Variants in MYH14 observed in about 807,000 individuals in gnomAD.
The protein encoded by MYH14 is myosin-14.
Under a neutral mutation model 255.5 loss-of-function variants are expected in MYH14, and 123 were observed. The ratio of observed to expected loss-of-function variants is 0.48; its 90% CI spans 0.42 to 0.56. The LOEUF (loss-of-function observed/expected upper bound fraction) is 0.56, where lower values mean the gene tolerates loss of function less well. MYH14 is among the 20% of genes least tolerant of loss of function. MYH14 has a pLI of 0.00. For synonymous variants in MYH14, 1,095 were observed against 1,161.2 expected (o/e 0.94, Z 1.16); for missense variants, 2,423 against 2,802.3 (o/e 0.86, Z 3.06).
intron 20 of MYH14, 80 bp downstream of exon 20, chr19:50,260,795 G>GCACA: frequency 1.2e-5 from 12 of 1,041,896 alleles, no homozygotes; most frequent in African/African-American, 1.6e-5. Flanking sequence ...GTGTGTGCAT[G>GCACA]CATATGTGTG....
At position 50,210,577 on chromosome 19, in the gene MYH14, G is replaced by T; in HGVS notation, c.212G>T (p.Arg71Leu). The T allele has an allele frequency of 6.3e-7, 1 of 1,577,692 alleles. No individual in the cohort carries two copies. Among genetic ancestry groups the T allele is most frequent in the Non-Finnish European group, 8.6e-7 (1 of 1,162,806 alleles). Residue 71 changes from arginine to leucine, a missense_variant, in exon 2 of 43, where the codon CGG becomes CTG. By Grantham distance (102) the Arg-to-Leu change is moderately radical (BLOSUM62 -2). Around this residue, in one of 3 missense-constraint regions of MYH14, gnomAD observed 238 missense variants for 245.8 expected, o/e 0.97. Coordinates refer to ENST00000642316, the MANE Select transcript of MYH14 (RefSeq NM_001145809.2). The part of the protein sequence containing the change: ...ELHGFEAAAL[R>L]DEGEEEAEVE... Reference sequence around the variant, plus strand: ...CACGGGTTCGAGGCGGCGGCGCTGCGGGACGAAGGCGAGGAGGAGGCGGAG... The same window carrying T: ...CACGGGTTCGAGGCGGCGGCGCTGCTGGACGAAGGCGAGGAGGAGGCGGAG...
At chr19:50,246,384 G>A (rs112106001) in intron 11 of MYH14, among the ~76,000 whole-genome samples, 7,306 of 152,088 alleles carry the variant, frequency 0.048, 292 homozygotes, top group Admixed American at 0.11. Context: ...CAGGTGATCC[G>A]CCCACCTTGG....
intron 10 of MYH14, among the ~76,000 whole-genome samples, chr19:50,232,593 CAAAA>C (rs532232129): frequency 1.6e-5 from 1 of 63,694 alleles, no homozygotes; most frequent in Non-Finnish European, 2.7e-5. Context: ...GACTCTGTCT[CAAAA>C]AAAAAAAAAA....
At chr19:50,223,131 TC>T in intron 4 of MYH14, 21 bp downstream of exon 4, 1 of 1,613,610 alleles carries the variant, frequency 6.2e-7, no homozygotes, top group South Asian at 1.1e-5. Flanking sequence ...TGGAAGGACT[TC>T]CTGGAGGAGG....
At chr19:50,259,768 C>T (rs1416299681) in intron 19 of MYH14, among the ~76,000 whole-genome samples, 1 of 152,090 alleles carries the variant, frequency 6.6e-6, no homozygotes, top group African/African-American at 2.4e-5. Context: ...ATCCCAGCTA[C>T]TCGGGAGGCT....
rs201101562 is a variant in MYH14, at chr19:50,292,377, G to A, written c.5244G>A (p.Leu1748=). The change falls in exon 37 of 43, where the codon CTG becomes CTA. Residue 1748 remains leucine, a synonymous_variant. Transcript: ENST00000642316. ...TCAAGGGCCTGGAGGCTGAGGTGCT[G>A]CGGCTGCAGGAGGTGAGGCTGGGGT... is the stretch of plus-strand genomic sequence containing the variant. ...KRLKGLEAEV[L]RLQEELAASD... 14 of 1,584,818 alleles carry A rather than the reference G, an allele frequency of 8.8e-6. No individual in the cohort carries two copies. The Admixed American group carries it at 2.2e-4, about 25-fold the overall frequency.
chr19:50,210,681 A>C lies in MYH14; in HGVS notation c.316A>C (p.Lys106Gln). Residue 106 changes from lysine to glutamine, a missense_variant, in exon 2 of 43, where the codon AAG (lysine) becomes CAG (glutamine). Around this residue, in one of 3 missense-constraint regions of MYH14, gnomAD observed 238 missense variants for 245.8 expected, o/e 0.97. Transcript: ENST00000642316. ...GCGCATGAACCCGCCCAAGTTCAGCAAGGCCGAGGACATGGCCGAGCTGAC... is the reference window on the plus strand; with the variant it reads ...GCGCATGAACCCGCCCAAGTTCAGCCAGGCCGAGGACATGGCCGAGCTGAC... ...IQRMNPPKFS[K>Q]AEDMAELTCL... 6.4e-7 allele frequency: 1 copy of C among 1,570,396 alleles called. No individual in the cohort carries two copies. Among genetic ancestry groups the C allele is most frequent in the South Asian group, 1.2e-5 (1 of 85,526 alleles).
In MYH14 at chr19:50,301,867, C is replaced by T. The variant is rs1225321687; in HGVS notation, c.5676C>T (p.Thr1892=). 1.2e-6 allele frequency: 2 copies of T among 1,609,988 alleles called. No homozygotes were observed. The highest frequency in any genetic ancestry group is 1.7e-5 in the Admixed American group (1 of 59,174). Residue 1892 remains threonine (T), a splice_region_variant and synonymous_variant, in exon 40 of 43, where the codon ACC becomes ACT. Coordinates refer to ENST00000642316, the MANE Select transcript of MYH14 (RefSeq NM_001145809.2). ...CTGAGGAGCAGCTAGAGCAAGAGAC[C>T]AGGTAGGTGAGAGCGGAGGCCACAG... ...AQAEEQLEQE[T]RERILSGKLV... is the part of the protein sequence containing the mutation.
rs1249048707 is a variant in MYH14, at chr19:50,289,628, C to T, written c.4945C>T (p.Arg1649Trp). 7.5e-6 allele frequency: 12 copies of T among 1,609,912 alleles called. No individual in the cohort carries two copies. The highest frequency in any genetic ancestry group is 6.6e-5 in the South Asian group (6 of 90,386). The change falls in exon 35 of 43, where the codon CGG (arginine) becomes TGG (tryptophan). Residue 1649 changes from arginine to tryptophan, a missense_variant. This residue lies in a region of MYH14 where 1,513 missense variants were observed against 1,674.8 expected (regional missense o/e 0.90). Coordinates refer to ENST00000642316, the MANE Select transcript of MYH14 (RefSeq NM_001145809.2). ...QGRDEAGEER[R>W]RQLAKQLRDA... is the part of the protein sequence containing the mutation. ...CCGTGATGAGGCTGGTGAAGAGAGG[C>T]GGAGGCAGCTGGCCAAGCAGGTATT... is the stretch of plus-strand genomic sequence containing the variant.
chr19:50,288,161 G>A (rs1002141239), intron 34 of MYH14, among the ~76,000 whole-genome samples: 1 of 152,180 alleles, frequency 6.6e-6, no homozygotes, highest in African/African-American at 2.4e-5. Context: ...ATCACACCCA[G>A]GGACACAGGC....
At chr19:50,238,454 A>T (rs879583503) in intron 10 of MYH14, among the ~76,000 whole-genome samples, 3 of 151,450 alleles carry the variant, frequency 2.0e-5, no homozygotes, top group Non-Finnish European at 2.9e-5. Context: ...TTTATTTTTT[A>T]TTTTTTTTGA....
rs1311445555 is a variant in MYH14, at chr19:50,278,299, G to T, written c.4032+10G>T. 1.3e-6 allele frequency: 2 copies of T among 1,530,354 alleles called. No homozygotes were observed. Among genetic ancestry groups the T allele is most frequent in the Non-Finnish European group, 1.8e-6 (2 of 1,134,542 alleles). The allele number at this position is 1,530,354 out of a possible 1,614,324, so 94.8% of individuals were successfully genotyped here. A position where few individuals can be genotyped will look rare whatever the true frequency, so the allele number is the denominator to read the frequency against. On this transcript the variant is annotated intron_variant, in intron 30 of 42. Transcript: ENST00000642316. ...GCTGCAGCGAGCCCAGGTAAGTGGG[G>T]TGGGCAGGGCAGAGGTTTCTGCTGT...
rs1223412090 is a variant in MYH14, at chr19:50,276,057, G to A, written c.3534G>A (p.Leu1178=). 1 of 1,612,232 alleles carries A rather than the reference G, an allele frequency of 6.2e-7. No homozygotes were observed. Among genetic ancestry groups the A allele is most frequent in the African/African-American group, 1.3e-5 (1 of 75,042 alleles). ...LKSLREAQAA[L]AEAQEDLESE... ...CCCTGCGGGAGGCTCAAGCAGCCCT[G>A]GCCGAGGCCCAGGAGGACCTGGAGT... is the stretch of plus-strand genomic sequence containing the variant. The change falls in exon 28 of 43, where the codon CTG becomes CTA. Residue 1178 remains leucine, a synonymous_variant. Coordinates refer to ENST00000642316, the MANE Select transcript of MYH14 (RefSeq NM_001145809.2). This position sits in a 1 kb window ranked among gnomAD's most constrained non-coding sequence, Gnocchi z 4.3.
chr19:50,276,622 C>A lies in MYH14; in HGVS notation c.3681-135C>A. The stretch of plus-strand genomic sequence containing the variant: ...ACACTCCTTCCACAGCATCACCACC[C>A]AGATCTCCTGAGGAGCATAACATGA... On this transcript the variant is annotated intron_variant, in intron 28 of 42. Coordinates refer to ENST00000642316, the MANE Select transcript of MYH14 (RefSeq NM_001145809.2). This position sits in a 1 kb window ranked among gnomAD's most constrained non-coding sequence, Gnocchi z 4.3. The A allele has an allele frequency of 8.8e-7, 1 of 1,133,224 alleles. No homozygotes were observed. Among genetic ancestry groups the A allele is most frequent in the Non-Finnish European group, 1.3e-6 (1 of 776,624 alleles). The allele number at this position is 1,133,224 out of a possible 1,614,324, so 70.2% of individuals were successfully genotyped here.
In MYH14 at chr19:50,221,392, G is replaced by C. The variant is rs1311105954; in HGVS notation, c.563-1691G>C. Among the ~76,000 whole-genome samples, 1 of 152,122 alleles carries C rather than the reference G, an allele frequency of 6.6e-6. No individual in the cohort carries two copies. Among genetic ancestry groups the C allele is most frequent in the Non-Finnish European group, 1.5e-5 (1 of 68,022 alleles). ...CAAGTCTGAGGTCCTACTGGACGCAGCTTACTCCCTGGCTTGAAGACACCC... is the reference window on the plus strand; with the variant it reads ...CAAGTCTGAGGTCCTACTGGACGCACCTTACTCCCTGGCTTGAAGACACCC... On this transcript the variant is annotated intron_variant, in intron 3 of 42. Coordinates refer to ENST00000642316, the MANE Select transcript of MYH14 (RefSeq NM_001145809.2). This position sits in a 1 kb window ranked among gnomAD's most constrained non-coding sequence, Gnocchi z 5.3.
Position 50,266,781 on chromosome 19 carries a change from G to A in MYH14, c.2695-96G>A. 1 of 1,492,724 alleles carries A rather than the reference G, an allele frequency of 6.7e-7. No individual in the cohort carries two copies. Among genetic ancestry groups the A allele is most frequent in the Non-Finnish European group, 9.1e-7 (1 of 1,098,566 alleles). 92.5% of individuals were successfully genotyped at this position (1,492,724 alleles called of 1,614,324 possible). On this transcript the variant is annotated intron_variant, in intron 22 of 42. Transcript: ENST00000642316. This position sits in a 1 kb window ranked among gnomAD's most constrained non-coding sequence, Gnocchi z 4.1. ...CGGGGACACACAGCTAATAGGTGGAGGAGAAGGGATTTGAACCCAGAAACT... is the reference window on the plus strand; with the variant it reads ...CGGGGACACACAGCTAATAGGTGGAAGAGAAGGGATTTGAACCCAGAAACT...
chr19:50,291,307 G>C (rs529625902), intron 36 of MYH14, among the ~76,000 whole-genome samples: 26 of 150,210 alleles, frequency 1.7e-4, no homozygotes, highest in Admixed American at 5.3e-4. Flanking sequence ...TTGTTCAGTT[G>C]GTTTTTTTTT....
In MYH14 at chr19:50,251,666, C is replaced by T. The variant is rs192779491; in HGVS notation, c.1831-973C>T. Among the ~76,000 whole-genome samples, 46 of 152,192 alleles carry T rather than the reference C, an allele frequency of 3.0e-4. No homozygotes were observed. In the East Asian group the frequency reaches 8.5e-3, roughly 28 times the overall value. ...GATCTCGGCTCACTGCAATCTCCGC[C>T]TCCTAGGTTCAAGCAATTCTTCTGC... is the stretch of plus-strand genomic sequence containing the variant. On this transcript the variant is annotated intron_variant, in intron 15 of 42. Transcript: ENST00000642316.
At chr19:50,232,197 C>A in intron 10 of MYH14, 127 bp downstream of exon 10, 2 of 1,195,106 alleles carry the variant, frequency 1.7e-6, no homozygotes, top group Non-Finnish European at 2.3e-6. Flanking sequence ...GGCACCGGGG[C>A]CAGAGCAGGG....
Sources: gnomAD v4.1 joint callset for allele counts (sites outside exome capture counted in the v4.1 genomes callset) on GRCh38, gnomAD v4.1.1 for gene constraint, gnomAD v4.1.1 regional missense constraint, Gnocchi (gnomAD v3.1) non-coding constraint, MANE v1.5 for transcripts, NCBI Gene and HGNC (gene_info 2026-07-23, HGNC 2026-07-21) for gene names.